The following CDK11B variants were observed in gnomAD, a reference collection of about 807,000 sequenced individuals.
The protein encoded by CDK11B is cyclin-dependent kinase 11B.
Under a neutral mutation model 84.0 loss-of-function variants are expected in CDK11B, and 37 were observed. The ratio of observed to expected loss-of-function variants is 0.44; its 90% CI spans 0.34 to 0.58. The LOEUF is 0.58. Ranked by LOEUF, CDK11B falls within the 20% of genes least tolerant of loss-of-function variation. CDK11B has a pLI of 0.02. For missense variants in CDK11B, 427 were observed against 834.0 expected (o/e 0.51, Z 6.01); for synonymous variants, 269 against 309.8 (o/e 0.87, Z 1.38).
chr1:1,651,214 T>A (rs1432532993), intron 4 of CDK11B, among the ~76,000 whole-genome samples: 43 of 152,184 alleles, frequency 2.8e-4, no homozygotes, highest in Non-Finnish European at 5.6e-4. Flanking sequence ...TTGGGGTGTG[T>A]TTTTCTCCTA....
At chr1:1,636,833 T>C (rs758964934) in intron 16 of CDK11B, 35 bp from the exon 17 acceptor site, 1 of 1,613,452 alleles carries the variant, frequency 6.2e-7, no homozygotes, top group Non-Finnish European at 8.5e-7. Flanking sequence ...GGAGGGCCAG[T>C]GCCCGCGAAG....
intron 3 of CDK11B, among the ~76,000 whole-genome samples, chr1:1,653,948 G>A (rs1418198134): frequency 6.6e-6 from 1 of 152,064 alleles, no homozygotes; most frequent in Non-Finnish European, 1.5e-5. Context: ...GCTGGAGGTG[G>A]CAGTGAGCCG....
chr1:1,639,679 G>A (rs1210811954), intron 11 of CDK11B, among the ~76,000 whole-genome samples: 1 of 151,898 alleles, frequency 6.6e-6, no homozygotes, highest in East Asian at 1.9e-4. Context: ...GAGGCCTGCT[G>A]CATGCGCCAG....
intron 5 of CDK11B, chr1:1,646,321 G>C (rs1371206169): frequency 4.4e-6 from 2 of 455,222 alleles, no homozygotes; most frequent in Non-Finnish European, 8.7e-6. Flanking sequence ...CATATGTTTA[G>C]CATACCATTT....
chr1:1,648,948 C>G (rs1453233956), intron 5 of CDK11B, among the ~76,000 whole-genome samples: 1 of 151,954 alleles, frequency 6.6e-6, no homozygotes, highest in African/African-American at 2.4e-5. Context: ...ATGCAGATTT[C>G]TGATCCCTTC....
In CDK11B at chr1:1,649,568, T is replaced by C; in HGVS notation, c.425A>G (p.Asp142Gly). Reference protein sequence around the residue: ...ERRKRHREEQDKARREWERQK... With the variant: ...ERRKRHREEQGKARREWERQK... ...TCTTTCCCATTCCCGGCGAGCTTTA[T>C]CCTGTTCTTCTCGATGCCGTTTCCG... is the stretch of plus-strand genomic sequence containing the variant. The change falls in exon 5 of 20, where the codon GAT becomes GGT. Residue 142 changes from aspartate to glycine, a missense_variant. Coordinates refer to ENST00000341832, the MANE Select transcript of CDK11B (RefSeq NM_033486.3). The C allele has an allele frequency of 1.2e-6, 2 of 1,606,456 alleles. No individual in the cohort carries two copies. Among genetic ancestry groups the C allele is most frequent in the Non-Finnish European group, 8.5e-7 (1 of 1,173,094 alleles).
At chr1:1,651,877 G>C (rs1570202335) in intron 4 of CDK11B, among the ~76,000 whole-genome samples, 1 of 149,814 alleles carries the variant, frequency 6.7e-6, no homozygotes, top group East Asian at 2.0e-4. Context: ...CTTCTGAATG[G>C]TCTGTGACAC....
rs1295565382 is a variant in CDK11B at position 1,635,477 on chromosome 1, G to A, written c.*287C>T. ...TCCAAATCACGGCCCAGCCAGCCCC[G>A]TGCGTGTCGAGAGTGGGAGAGGGTG... On this transcript the variant is annotated 3_prime_UTR_variant, in exon 20 of 20. Transcript: ENST00000341832. 2.2e-5 allele frequency: 7 copies of A among 322,162 alleles called. 1 individual carries two copies. Among genetic ancestry groups the A allele is most frequent in the African/African-American group, 1.3e-4 (3 of 23,222 alleles). The allele number at this position is 322,162 out of a possible 1,614,324, so 20.0% of individuals were successfully genotyped here. A position where few individuals can be genotyped will look rare whatever the true frequency, so the allele number is the denominator to read the frequency against.
At chr1:1,652,159 G>A (rs1270015072) in intron 4 of CDK11B, among the ~76,000 whole-genome samples, 1 of 149,638 alleles carries the variant, frequency 6.7e-6, no homozygotes, top group South Asian at 2.3e-4. Context: ...ACACACGCAC[G>A]CTTTCAGCTA....
Position 1,651,737 on chromosome 1 carries a change from ATAGAG to A in CDK11B, c.355+697_355+701del, listed in dbSNP as rs1336874335. Among the ~76,000 whole-genome samples the A allele has an allele frequency of 7.8e-5, 9 of 115,080 alleles. No homozygotes were observed. In the South Asian group the frequency reaches 1.4e-3, roughly 18 times the overall value. The allele number at this position is 115,080 out of a possible 152,430, so 75.5% of individuals were successfully genotyped here. On this transcript the variant is annotated intron_variant, in intron 4 of 19. Transcript: ENST00000341832. ...GTCTGTGACACACGCATGCTTTCAG[ATAGAG>A]TATTCTCTCTATAGCCCTTCTGAAT...
Position 1,650,083 on chromosome 1 carries a change from A to G in CDK11B, c.356-446T>C, listed in dbSNP as rs1463218173. ...GGTCAGATCGGGACCATCCTGGCTA[A>G]CACGGTGAAACCCCATCTCTACTAA... On this transcript the variant is annotated intron_variant, in intron 4 of 19. Coordinates refer to ENST00000341832, the MANE Select transcript of CDK11B (RefSeq NM_033486.3). Among the ~76,000 whole-genome samples the G allele has an allele frequency of 1.8e-4, 27 of 151,508 alleles. No homozygotes were observed. The Middle Eastern group carries it at 0.01, about 57-fold the overall frequency.
In CDK11B at chr1:1,637,419, G is replaced by A; in HGVS notation, c.1559C>T (p.Pro520Leu). ...GGGCGCGGCTGTACCTGGCAGGAAG[G>A]GCTGTTTCATGGTCTCCATCAGGCT... ...LKSLMETMKQ[P>L]FLPGEVKTLM... The change falls in exon 14 of 20, where the codon CCC becomes CTC. Residue 520 changes from proline to leucine, a missense_variant. This residue lies in a region of CDK11B where 19 missense variants were observed against 22.5 expected (regional missense o/e 0.85). Coordinates refer to ENST00000341832, the MANE Select transcript of CDK11B (RefSeq NM_033486.3). 1.2e-6 allele frequency: 2 copies of A among 1,613,690 alleles called. No individual in the cohort carries two copies. The highest frequency in any genetic ancestry group is 8.5e-7 in the Non-Finnish European group (1 of 1,179,712).
intron 11 of CDK11B, 84 bp downstream of exon 11, chr1:1,640,193 C>T (rs1640051979): frequency 6.6e-7 from 1 of 1,504,130 alleles, no homozygotes. Flanking sequence ...CAGACGCCAA[C>T]ACGGGGGCCA....
intron 3 of CDK11B, 34 bp downstream of exon 3, chr1:1,655,335 C>G: frequency 6.2e-7 from 1 of 1,609,250 alleles, no homozygotes; most frequent in African/African-American, 1.3e-5. Context: ...GGGCTGTGTA[C>G]AGCTGGGTCT....
intron 4 of CDK11B, among the ~76,000 whole-genome samples, chr1:1,650,975 T>C (rs1285047528): frequency 6.6e-6 from 1 of 152,204 alleles, no homozygotes; most frequent in Non-Finnish European, 1.5e-5. Flanking sequence ...ATCAGTTTTA[T>C]AATACAAAAA....
At chr1:1,655,326 G>T in intron 3 of CDK11B, 43 bp downstream of exon 3, 1 of 1,601,560 alleles carries the variant, frequency 6.2e-7, no homozygotes, top group Non-Finnish European at 8.5e-7. Context: ...GCCAGGCCAG[G>T]GCTGTGTACA....
chr1:1,640,732 C>G (rs1481848826), intron 10 of CDK11B, among the ~76,000 whole-genome samples: 1 of 152,222 alleles, frequency 6.6e-6, no homozygotes, highest in East Asian at 1.9e-4. Flanking sequence ...AACCTCACTG[C>G]CTGTCGGAGG....
At chr1:1,656,172 T>C (rs1642720980) in intron 2 of CDK11B, among the ~76,000 whole-genome samples, 1 of 152,040 alleles carries the variant, frequency 6.6e-6, no homozygotes, top group Non-Finnish European at 1.5e-5. Context: ...CACAGATTTT[T>C]TGGTTTCCCA....
chr1:1,655,281 G>A lies in CDK11B; in HGVS notation c.227+88C>T, dbSNP rs751412064. 4.1e-6 allele frequency: 6 copies of A among 1,477,218 alleles called. No individual in the cohort carries two copies. The East Asian group carries it at 7.1e-5, about 17-fold the overall frequency. The allele number at this position is 1,477,218 out of a possible 1,614,324, so 91.5% of individuals were successfully genotyped here. A position where few individuals can be genotyped will look rare whatever the true frequency, so the allele number is the denominator to read the frequency against. ...AGAGTAAACCTTAATAGTTACAACAGCACACAGTTGTCACAGCGACCCTAG... is the reference window on the plus strand; with the variant it reads ...AGAGTAAACCTTAATAGTTACAACAACACACAGTTGTCACAGCGACCCTAG... On this transcript the variant is annotated intron_variant, in intron 3 of 19. Coordinates refer to ENST00000341832, the MANE Select transcript of CDK11B (RefSeq NM_033486.3).
Sources: gnomAD v4.1 joint callset for allele counts (sites outside exome capture counted in the v4.1 genomes callset) on GRCh38, gnomAD v4.1.1 for gene constraint, gnomAD v4.1.1 regional missense constraint, MANE v1.5 for transcripts, NCBI Gene and HGNC (gene_info 2026-07-23, HGNC 2026-07-21) for gene names.